The following FARP2 variants were observed in gnomAD, a reference collection of about 807,000 sequenced individuals.
The protein encoded by FARP2 is FERM, ARH/RhoGEF and pleckstrin domain protein 2, also known as FERM, ARHGEF and pleckstrin domain-containing protein 2.
A neutral mutation model predicts 130.5 loss-of-function variants in FARP2; 111 were observed. That is an observed-to-expected ratio of 0.85 (90% CI 0.73 to 1.00). The LOEUF is 1.00. Among genes scored for constraint, FARP2 ranks in the 50% least tolerant of loss-of-function variants. The pLI, the probability that FARP2 is intolerant of heterozygous loss-of-function variation, is 0.00. For synonymous variants in FARP2, 504 were observed against 516.9 expected, an observed-to-expected ratio of 0.98 and a Z score of 0.34; for missense variants, 1,385 against 1,346.3, an observed-to-expected ratio of 1.03 and a Z score of -0.45.
Position 241,464,710 on chromosome 2 carries a change from G to C in FARP2, c.1893+730G>C, listed in dbSNP as rs2064123881. Among the ~76,000 whole-genome samples, 5 of 151,950 alleles carry C rather than the reference G, an allele frequency of 3.3e-5. No individual in the cohort carries two copies. The South Asian group carries it at 1.0e-3, about 32-fold the overall frequency. ...CAGAGCAGCAGCCCCCTCAGAACAG[G>C]GTCTCCCTTGAAGCATCATTCCCAT... On this transcript the variant is annotated intron_variant, in intron 17 of 26. Coordinates refer to ENST00000264042, the MANE Select transcript of FARP2 (RefSeq NM_014808.4).
At chr2:241,493,599 T>TG (rs2065013571) in intron 26 of FARP2, 155 bp downstream of exon 26, 1 of 377,894 alleles carries the variant, frequency 2.6e-6, no homozygotes, top group Admixed American at 7.9e-5. Context: ...AATGCTTTGT[T>TG]TTTTTTTTTT....
chr2:241,459,715 C>A lies in FARP2; in HGVS notation c.1587+2793C>A, dbSNP rs1405096671. ...CATCCCTGGCCTGCAGCCCAGCTTG[C>A]TGGGGGTCAGGTTTGACATTGATCT... On this transcript the variant is annotated intron_variant, in intron 14 of 26. Transcript: ENST00000264042. This position sits in a 1 kb window ranked among gnomAD's most constrained non-coding sequence, Gnocchi z 5.3. 3.3e-5 allele frequency among the ~76,000 whole-genome samples: 5 copies of A among 151,418 alleles called. No homozygotes were observed. Among genetic ancestry groups the A allele is most frequent in the Non-Finnish European group, 5.9e-5 (4 of 67,938 alleles).
At chr2:241,456,094 T>C (rs1189889260) in intron 13 of FARP2, among the ~76,000 whole-genome samples, 1 of 152,164 alleles carries the variant, frequency 6.6e-6, no homozygotes, top group Admixed American at 6.5e-5. Context: ...TCATCATCTT[T>C]AGAATTGGGC....
At chr2:241,489,422 A>G (rs2064839615) in intron 21 of FARP2, 1 of 152,466 alleles carries the variant, frequency 6.6e-6, no homozygotes, top group Non-Finnish European at 1.5e-5. Flanking sequence ...TTGACTTCTG[A>G]TAGGATGAAT....
At chr2:241,455,275 CT>C (rs1160276028) in intron 13 of FARP2, among the ~76,000 whole-genome samples, 3 of 152,162 alleles carry the variant, frequency 2.0e-5, no homozygotes, top group African/African-American at 7.2e-5. Context: ...AATTGAGTTA[CT>C]TCTGTTGCAA....
At chr2:241,429,384 T>G (rs927117560) in intron 8 of FARP2, among the ~76,000 whole-genome samples, 5 of 152,180 alleles carry the variant, frequency 3.3e-5, no homozygotes, top group Non-Finnish European at 7.3e-5. Context: ...TTTTGGAAGA[T>G]TACAGGGCAG....
chr2:241,408,541 CAAAA>C (rs11292791), intron 5 of FARP2, among the ~76,000 whole-genome samples: 6 of 137,534 alleles, frequency 4.4e-5, no homozygotes, highest in Non-Finnish European at 7.9e-5. Flanking sequence ...AACTCTGTCT[CAAAA>C]AAAAAAAAAA....
intron 19 of FARP2, among the ~76,000 whole-genome samples, chr2:241,479,803 G>A (rs2064570230): frequency 6.6e-6 from 1 of 152,224 alleles, no homozygotes. Flanking sequence ...GTCGCTCCTG[G>A]CATAGAGGTT....
At position 241,493,993 on chromosome 2, in the gene FARP2, C is replaced by T. The variant is rs2065033431; in HGVS notation, c.3048-15C>T. 1.1e-5 allele frequency: 15 copies of T among 1,367,362 alleles called. No individual in the cohort carries two copies. The highest frequency in any genetic ancestry group is 5.5e-5 in the East Asian group (2 of 36,122). The allele number at this position is 1,367,362 out of a possible 1,614,324, so 84.7% of individuals were successfully genotyped here. A position where few individuals can be genotyped will look rare whatever the true frequency, so the allele number is the denominator to read the frequency against. ...CAAGATGGCTCACTGGTCTGATGGC[C>T]GCCCTCTCCTCCAGGTGGATGGAGG... is the stretch of plus-strand genomic sequence containing the variant. On this transcript the variant is annotated splice_polypyrimidine_tract_variant and intron_variant, in intron 26 of 26. Coordinates refer to ENST00000264042, the MANE Select transcript of FARP2 (RefSeq NM_014808.4).
At chr2:241,474,154 A>C (rs1425714829) in intron 18 of FARP2, among the ~76,000 whole-genome samples, 1 of 151,142 alleles carries the variant, frequency 6.6e-6, no homozygotes, top group Admixed American at 6.6e-5. Flanking sequence ...AAAATACAAA[A>C]AATTAGCCGG....
At chr2:241,469,993 G>A (rs1351398285) in intron 18 of FARP2, among the ~76,000 whole-genome samples, 6 of 152,166 alleles carry the variant, frequency 3.9e-5, no homozygotes, top group South Asian at 4.1e-4. Context: ...TCTCTGAAGC[G>A]CAGTGAGAGC....
intron 1 of FARP2, among the ~76,000 whole-genome samples, chr2:241,359,748 C>G (rs1410353286): frequency 6.6e-6 from 1 of 152,206 alleles, no homozygotes; most frequent in Non-Finnish European, 1.5e-5. Flanking sequence ...TTTGTGTGCT[C>G]TGTGCACACC....
intron 18 of FARP2, among the ~76,000 whole-genome samples, chr2:241,474,022 G>A (rs1370200570): frequency 6.6e-6 from 1 of 152,088 alleles, no homozygotes; most frequent in East Asian, 1.9e-4. Flanking sequence ...GGATAGAGCT[G>A]CAGGCCGGGC....
chr2:241,415,254 A>G (rs1180675992), intron 7 of FARP2, among the ~76,000 whole-genome samples: 1 of 152,078 alleles, frequency 6.6e-6, no homozygotes, highest in Non-Finnish European at 1.5e-5. Context: ...GCCTCTTTCA[A>G]GTGTTGCCAT....
At chr2:241,458,944 G>T (rs573167241) in intron 14 of FARP2, among the ~76,000 whole-genome samples, 1 of 152,366 alleles carries the variant, frequency 6.6e-6, no homozygotes, top group African/African-American at 2.4e-5. Flanking sequence ...AGGAGTTGGT[G>T]GCTGGGTCAC....
At chr2:241,379,258 C>T (rs2061607021) in intron 2 of FARP2, among the ~76,000 whole-genome samples, 1 of 152,174 alleles carries the variant, frequency 6.6e-6, no homozygotes, top group African/African-American at 2.4e-5. Flanking sequence ...TAAAGGTTTT[C>T]TATTATCTGA....
intron 1 of FARP2, among the ~76,000 whole-genome samples, chr2:241,369,537 A>G (rs186809655): frequency 1.7e-4 from 25 of 144,902 alleles, no homozygotes; most frequent in Admixed American, 4.8e-4. Context: ...AGTCTTGTCT[A>G]TTTTTTTTTT....
chr2:241,472,337 G>A (rs993401025), intron 18 of FARP2, among the ~76,000 whole-genome samples: 2 of 151,712 alleles, frequency 1.3e-5, no homozygotes, highest in Admixed American at 6.6e-5. Context: ...TGTTCTCAGG[G>A]GACCCTGTTC....
intron 7 of FARP2, 62 bp from the exon 8 acceptor site, chr2:241,417,900 C>T (rs80115714): frequency 0.013 from 21,046 of 1,561,192 alleles, 173 homozygotes; most frequent in Non-Finnish European, 0.015. Flanking sequence ...TTCTATAATG[C>T]ATTTTGGCTC....
Sources: allele counts gnomAD v4.1 joint callset (sites outside exome capture counted in the v4.1 genomes callset), GRCh38; gene constraint gnomAD v4.1.1; non-coding constraint Gnocchi (gnomAD v3.1); transcripts MANE v1.5; gene names NCBI Gene and HGNC (gene_info 2026-07-23, HGNC 2026-07-21).